CBLB: variants seen among roughly 807,000 people sequenced by gnomAD.
The protein encoded by CBLB is E3 ubiquitin-protein ligase CBL-B.
A neutral mutation model predicts 104.9 loss-of-function variants in CBLB; 31 were observed. The ratio of observed to expected loss-of-function variants is 0.30; its 90% CI spans 0.22 to 0.40. CBLB has a LOEUF of 0.40. Among genes scored for constraint, CBLB ranks in the 10% least tolerant of loss-of-function variants. The pLI is 1.00. For missense variants in CBLB, 1,062 were observed against 1,214.6 expected, an observed-to-expected ratio of 0.87 and a Z score of 1.87; for synonymous variants, 440 against 422.6, an observed-to-expected ratio of 1.04 and a Z score of -0.51.
At chr3:105,811,713 C>T (rs1321751364) in intron 3 of CBLB, among the ~76,000 whole-genome samples, 16 of 151,990 alleles carry the variant, frequency 1.1e-4, no homozygotes, top group Admixed American at 2.0e-4. Flanking sequence ...AAAATTACTT[C>T]CTTTTTTTTT....
chr3:105,850,184 A>T (rs901296015), intron 3 of CBLB, among the ~76,000 whole-genome samples: 1 of 152,148 alleles, frequency 6.6e-6, no homozygotes, highest in African/African-American at 2.4e-5. Flanking sequence ...GTTTGGGTTC[A>T]TCTCTAATTG....
intron 2 of CBLB, among the ~76,000 whole-genome samples, chr3:105,855,006 G>T (rs1577905292): frequency 1.3e-5 from 2 of 152,078 alleles, no homozygotes; most frequent in Non-Finnish European, 2.9e-5. Flanking sequence ...GGGTATTTTT[G>T]GAATCTGGCT....
At chr3:105,729,605 A>C (rs1183311677) in intron 9 of CBLB, among the ~76,000 whole-genome samples, 2 of 152,090 alleles carry the variant, frequency 1.3e-5, no homozygotes, top group Non-Finnish European at 2.9e-5. Flanking sequence ...TACCTTGAGA[A>C]CATTTCTCTA....
At chr3:105,767,246 A>T (rs1441077245) in intron 4 of CBLB, among the ~76,000 whole-genome samples, 1 of 152,066 alleles carries the variant, frequency 6.6e-6, no homozygotes, top group East Asian at 1.9e-4. Context: ...ACTTCTTTTA[A>T]TTTAATATAA....
At chr3:105,674,887 A>G (rs902512015) in intron 17 of CBLB, among the ~76,000 whole-genome samples, 1 of 152,146 alleles carries the variant, frequency 6.6e-6, no homozygotes, top group African/African-American at 2.4e-5. Context: ...GAGATAAAAG[A>G]AGAATGAGAG....
In CBLB at chr3:105,789,873, A is replaced by G. The variant is rs186381533; in HGVS notation, c.420-13331T>C. 4.6e-5 allele frequency among the ~76,000 whole-genome samples: 7 copies of G among 152,322 alleles called. No homozygotes were observed. The East Asian group carries it at 1.3e-3, about 29-fold the overall frequency. On this transcript the variant is annotated intron_variant, in intron 3 of 18. Coordinates refer to ENST00000394030, the MANE Select transcript of CBLB (RefSeq NM_170662.5). Reference sequence around the variant, plus strand: ...ACTATTAATAATCCTACTTATTAACACTAAAGATACATACTGATTTTTTTA... The same window carrying G: ...ACTATTAATAATCCTACTTATTAACGCTAAAGATACATACTGATTTTTTTA...
intron 3 of CBLB, among the ~76,000 whole-genome samples, chr3:105,781,207 C>A: frequency 6.6e-6 from 1 of 152,110 alleles, no homozygotes. Context: ...TCACCTATAT[C>A]ATATTTCTTT....
intron 3 of CBLB, among the ~76,000 whole-genome samples, chr3:105,785,464 G>C (rs1024480562): frequency 6.6e-6 from 1 of 151,890 alleles, no homozygotes; most frequent in Non-Finnish European, 1.5e-5. Context: ...ATACCAACAA[G>C]ACAAAGGAAA....
At chr3:105,866,316 C>G (rs1259775721) in intron 2 of CBLB, among the ~76,000 whole-genome samples, 1 of 152,054 alleles carries the variant, frequency 6.6e-6, no homozygotes, top group African/African-American at 2.4e-5. Context: ...CTTTTATAGC[C>G]AATATTTACA....
intron 13 of CBLB, among the ~76,000 whole-genome samples, chr3:105,691,970 A>T (rs1333253765): frequency 1.3e-5 from 2 of 152,186 alleles, no homozygotes; most frequent in Non-Finnish European, 2.9e-5. Context: ...GAAACTACTA[A>T]GTTAGCATTA....
At chr3:105,867,617 A>G (rs1363183194) in intron 1 of CBLB, 26 bp from the exon 2 acceptor site, 7 of 1,606,568 alleles carry the variant, frequency 4.4e-6, no homozygotes, top group Non-Finnish European at 4.3e-6. Flanking sequence ...TTAAAAAAAG[A>G]AAAGTTAGTT....
chr3:105,764,482 G>A (rs960193899), intron 4 of CBLB, among the ~76,000 whole-genome samples: 6 of 152,118 alleles, frequency 3.9e-5, no homozygotes, highest in Admixed American at 2.6e-4. Context: ...TATGAACCAT[G>A]CCCATGTAAG....
At chr3:105,709,516 T>C (rs1184400213) in intron 10 of CBLB, among the ~76,000 whole-genome samples, 1 of 151,874 alleles carries the variant, frequency 6.6e-6, no homozygotes, top group Non-Finnish European at 1.5e-5. Context: ...TGGTGATGGT[T>C]CCTAATCACA....
At chr3:105,830,568 T>C (rs2087344958) in intron 3 of CBLB, among the ~76,000 whole-genome samples, 3 of 152,220 alleles carry the variant, frequency 2.0e-5, no homozygotes, top group Non-Finnish European at 4.4e-5. Context: ...AAAAGACCAA[T>C]TTCTGTATCT....
chr3:105,744,055 G>T lies in CBLB; in HGVS notation c.845+1862C>A, dbSNP rs151209521. Among the ~76,000 whole-genome samples the T allele has an allele frequency of 6.2e-3, 947 of 152,022 alleles. 8 individuals carry two copies. Among genetic ancestry groups the T allele is most frequent in the African/African-American group, 0.022 (910 of 41,484 alleles). ...ACATTTGAAGATAAGTTTACTGGTG[G>T]GTCTTATGATATTCTTATCAGAGGG... On this transcript the variant is annotated intron_variant, in intron 6 of 18. Transcript: ENST00000394030.
rs149708355 is a variant in CBLB, at chr3:105,748,582, A to G, written c.724-2544T>C. Among the ~76,000 whole-genome samples, 7 of 152,278 alleles carry G rather than the reference A, an allele frequency of 4.6e-5. No homozygotes were observed. In the East Asian group the frequency reaches 1.3e-3, roughly 29 times the overall value. On this transcript the variant is annotated intron_variant, in intron 5 of 18. Coordinates refer to ENST00000394030, the MANE Select transcript of CBLB (RefSeq NM_170662.5). Reference sequence around the variant, plus strand: ...AGCAAAATCCCTATAATTTCTTTCCAGGACTAATATTAGCATGTGCTGATT... The same window carrying G: ...AGCAAAATCCCTATAATTTCTTTCCGGGACTAATATTAGCATGTGCTGATT...
At chr3:105,861,792 T>C (rs565425634) in intron 2 of CBLB, among the ~76,000 whole-genome samples, 1 of 152,138 alleles carries the variant, frequency 6.6e-6, no homozygotes, top group South Asian at 2.1e-4. Flanking sequence ...TCATTGTTGT[T>C]ACAGTTCTAG....
intron 3 of CBLB, among the ~76,000 whole-genome samples, chr3:105,784,195 C>T (rs2080673837): frequency 6.6e-6 from 1 of 152,018 alleles, no homozygotes; most frequent in Non-Finnish European, 1.5e-5. Flanking sequence ...TAACAAGTAT[C>T]CTTTTGTAAA....
chr3:105,844,163 G>C (rs1444808906), intron 3 of CBLB, among the ~76,000 whole-genome samples: 2 of 152,174 alleles, frequency 1.3e-5, no homozygotes, highest in Non-Finnish European at 2.9e-5. Flanking sequence ...AATTCCTGGA[G>C]CTACCAGAAA....
Sources: allele counts gnomAD v4.1 joint callset (sites outside exome capture counted in the v4.1 genomes callset), GRCh38; gene constraint gnomAD v4.1.1; transcripts MANE v1.5; gene names NCBI Gene and HGNC (gene_info 2026-07-23, HGNC 2026-07-21).